Variants in PAK2 observed in about 807,000 individuals in gnomAD.
PAK2 encodes the protein p21 (RAC1) activated kinase 2, also known as serine/threonine-protein kinase PAK 2.
A neutral mutation model predicts 65.9 loss-of-function variants in PAK2; 21 were observed. The ratio of observed to expected loss-of-function variants is 0.32; its 90% CI spans 0.23 to 0.46. PAK2 has a LOEUF of 0.46. Ranked by LOEUF, PAK2 falls within the 20% of genes least tolerant of loss-of-function variation. The pLI is 1.00. For synonymous variants in PAK2, 204 were observed against 219.7 expected (o/e 0.93, Z 0.63); for missense variants, 324 against 642.6 (o/e 0.50, Z 5.36).
intron 1 of PAK2, among the ~76,000 whole-genome samples, chr3:196,781,367 A>G (rs1174890009): frequency 6.6e-6 from 1 of 152,180 alleles, no homozygotes; most frequent in Non-Finnish European, 1.5e-5. Context: ...GATTTCAAGT[A>G]TGTGTCATCT....
chr3:196,751,663 T>TATATA (rs1713589849), intron 1 of PAK2, among the ~76,000 whole-genome samples: 1,085 of 45,560 alleles, frequency 0.024, 128 homozygotes, highest in Admixed American at 0.039. Context: ...ACACACAAAT[T>TATATA]TATTTATATA....
In PAK2 at chr3:196,753,728, C is replaced by T. The variant is rs921432406; in HGVS notation, c.-22+13571C>T. 4.6e-5 allele frequency among the ~76,000 whole-genome samples: 7 copies of T among 152,220 alleles called. No individual in the cohort carries two copies. In the East Asian group the frequency reaches 9.6e-4, roughly 21 times the overall value. On this transcript the variant is annotated intron_variant, in intron 1 of 14. Transcript: ENST00000327134. ...AGAAATTCTGTTGATGTTGTTCTAT[C>T]GCCTTGCATTAATCATTTTGTTTTT...
chr3:196,743,027 G>T (rs574416983), intron 1 of PAK2, among the ~76,000 whole-genome samples: 3 of 152,334 alleles, frequency 2.0e-5, no homozygotes, highest in Admixed American at 2.0e-4. Flanking sequence ...ATCAGAGGGA[G>T]GGTGTTAATT....
intron 11 of PAK2, among the ~76,000 whole-genome samples, chr3:196,815,613 C>T (rs1355386539): frequency 1.3e-5 from 2 of 151,844 alleles, no homozygotes; most frequent in Non-Finnish European, 2.9e-5. Context: ...ACGGTGAAAC[C>T]CCGTCTCTAC....
chr3:196,770,767 C>T (rs900508107), intron 1 of PAK2, among the ~76,000 whole-genome samples: 4 of 151,730 alleles, frequency 2.6e-5, no homozygotes, highest in South Asian at 2.1e-4. Flanking sequence ...GGATTGCAGG[C>T]GCATGCCACC....
intron 13 of PAK2, among the ~76,000 whole-genome samples, chr3:196,823,157 T>G (rs1417364240): frequency 6.6e-6 from 1 of 152,068 alleles, no homozygotes; most frequent in Non-Finnish European, 1.5e-5. Context: ...GAGGCTGATG[T>G]CATAATTCAG....
chr3:196,817,450 A>T (rs1182668348), intron 11 of PAK2, among the ~76,000 whole-genome samples: 1 of 152,042 alleles, frequency 6.6e-6, no homozygotes, highest in African/African-American at 2.4e-5. Flanking sequence ...TCCCAGGTTC[A>T]AGCGATTCTG....
At chr3:196,821,779 T>G (rs1007291841) in intron 13 of PAK2, among the ~76,000 whole-genome samples, 1 of 152,206 alleles carries the variant, frequency 6.6e-6, no homozygotes, top group African/African-American at 2.4e-5. Context: ...GGAAAACAAC[T>G]TGACAATTCT....
At chr3:196,754,076 G>C (rs1287107621) in intron 1 of PAK2, among the ~76,000 whole-genome samples, 1 of 151,926 alleles carries the variant, frequency 6.6e-6, no homozygotes, top group African/African-American at 2.4e-5. Flanking sequence ...CTTTATTTCT[G>C]CTATTGCAAT....
chr3:196,780,935 C>T (rs530457307), intron 1 of PAK2, among the ~76,000 whole-genome samples: 1 of 152,268 alleles, frequency 6.6e-6, no homozygotes, highest in South Asian at 2.1e-4. Context: ...ACTACAGGCG[C>T]CTGCCACCAC....
intron 1 of PAK2, among the ~76,000 whole-genome samples, chr3:196,754,933 A>G (rs758643808): frequency 6.6e-6 from 1 of 152,218 alleles, no homozygotes; most frequent in East Asian, 1.9e-4. Flanking sequence ...GAGTCTCCAA[A>G]TAAAGCGATG....
chr3:196,818,165 C>A lies in PAK2; in HGVS notation c.1153+9C>A. 1 of 964,634 alleles carries A rather than the reference C, an allele frequency of 1.0e-6. No individual in the cohort carries two copies. The highest frequency in any genetic ancestry group is 1.7e-6 in the Non-Finnish European group (1 of 598,746). 59.8% of individuals were successfully genotyped at this position (964,634 alleles called of 1,614,324 possible). A position where few individuals can be genotyped will look rare whatever the true frequency, so the allele number is the denominator to read the frequency against. ...AGGATCTGTTAAGCTCAGTGAGTAA[C>A]AAATGGACAATTCACAATCATTTAT... is the stretch of plus-strand genomic sequence containing the variant. On this transcript the variant is annotated intron_variant, in intron 12 of 14. Transcript: ENST00000327134.
chr3:196,825,435 A>G (rs1465135219), intron 13 of PAK2, among the ~76,000 whole-genome samples: 1 of 151,896 alleles, frequency 6.6e-6, no homozygotes, highest in African/African-American at 2.4e-5. Context: ...CAAAGTTGGG[A>G]GTTTAAGACC....
chr3:196,782,746 A>C lies in PAK2; in HGVS notation c.100A>C (p.Asn34His). 1 of 1,613,350 alleles carries C rather than the reference A, an allele frequency of 6.2e-7. No individual in the cohort carries two copies. The highest frequency in any genetic ancestry group is 8.5e-7 in the Non-Finnish European group (1 of 1,179,230). Residue 34 changes from asparagine to histidine, a missense_variant, in exon 2 of 15, where the codon AAT becomes CAT. Around this residue, in one of 5 missense-constraint regions of PAK2, gnomAD observed 42 missense variants for 67.4 expected, o/e 0.62. Transcript: ENST00000327134. ...TGGAGGCAAAGACCCTTTGTCAGCCAATCACAGTTTGAAACCTTTGCCCTC... is the reference window on the plus strand; with the variant it reads ...TGGAGGCAAAGACCCTTTGTCAGCCCATCACAGTTTGAAACCTTTGCCCTC... ...STGGKDPLSA[N>H]HSLKPLPSVP...
chr3:196,781,411 T>G (rs982482362), intron 1 of PAK2, among the ~76,000 whole-genome samples: 10 of 152,134 alleles, frequency 6.6e-5, no homozygotes, highest in African/African-American at 2.4e-4. Context: ...GAAGTATGGG[T>G]AGCAGGGTTG....
chr3:196,827,627 T>C, intron 14 of PAK2, among the ~76,000 whole-genome samples: 1 of 150,846 alleles, frequency 6.6e-6, no homozygotes, highest in East Asian at 1.9e-4. Context: ...TGGGGAGGGA[T>C]AGCATTAGGA....
chr3:196,799,324 A>G (rs1232450211), intron 2 of PAK2, among the ~76,000 whole-genome samples: 1 of 152,218 alleles, frequency 6.6e-6, no homozygotes, highest in Non-Finnish European at 1.5e-5. Flanking sequence ...CGAGGCAGAA[A>G]TCTGATGAAA....
At chr3:196,753,419 G>A (rs958451017) in intron 1 of PAK2, among the ~76,000 whole-genome samples, 9 of 150,476 alleles carry the variant, frequency 6.0e-5, no homozygotes, top group Non-Finnish European at 1.0e-4. Flanking sequence ...TAATTTCTGG[G>A]CTCACGTGAT....
chr3:196,803,990 C>G (rs907782199), intron 4 of PAK2, among the ~76,000 whole-genome samples: 2 of 152,180 alleles, frequency 1.3e-5, no homozygotes, highest in African/African-American at 4.8e-5. Context: ...TAGGCTTCCC[C>G]TCCCACACAC....
Sources: allele counts gnomAD v4.1 joint callset (sites outside exome capture counted in the v4.1 genomes callset), GRCh38; gene constraint gnomAD v4.1.1; regional missense constraint gnomAD v4.1.1; transcripts MANE v1.5; gene names NCBI Gene and HGNC (gene_info 2026-07-23, HGNC 2026-07-21).